Variants in ABCB1 observed in about 807,000 individuals in gnomAD.
The protein encoded by ABCB1 is ATP-dependent translocase ABCB1.
ABCB1 carries 69 observed loss-of-function variants against 142.0 expected under a neutral mutation model. The ratio of observed to expected loss-of-function variants is 0.49; its 90% confidence interval spans 0.40 to 0.59. The LOEUF (loss-of-function observed/expected upper bound fraction) is 0.59. Among genes scored for constraint, ABCB1 ranks in the 20% least tolerant of loss-of-function variants. ABCB1 has a pLI of 0.00. For missense variants in ABCB1, 1,326 were observed against 1,554.7 expected, an observed-to-expected ratio of 0.85 and a Z score of 2.47; for synonymous variants, 532 against 539.2, an observed-to-expected ratio of 0.99 and a Z score of 0.18.
intron 1 of ABCB1, among the ~76,000 whole-genome samples, chr7:87,672,417 G>A (rs73705297): frequency 6.6e-6 from 1 of 152,296 alleles, no homozygotes; most frequent in African/African-American, 2.4e-5. Context: ...CTAGGGAGGT[G>A]CAGTGCTGCT....
chr7:87,650,923 G>A (rs1823509614), intron 1 of ABCB1: 1 of 1,599,582 alleles, frequency 6.3e-7, no homozygotes, highest in Admixed American at 1.7e-5. Flanking sequence ...CAGATTTTAA[G>A]CCACCGGCTA....
chr7:87,545,985 A>G lies in ABCB1; in HGVS notation c.1765T>C (p.Leu589=). 2 of 1,614,156 alleles carry G rather than the reference A, an allele frequency of 1.2e-6. No individual in the cohort carries two copies. Among genetic ancestry groups the G allele is most frequent in the East Asian group, 2.2e-5 (1 of 44,866 alleles). The stretch of plus-strand genomic sequence containing the variant: ...ACGTCAGCATTACGAACTGTAGACA[A>G]ACGATGAGCTATCACAATGGTGGTC... ...GRTTIVIAHR[L]STVRNADVIA... The change falls in exon 15 of 28, where the codon TTG becomes CTG. Residue 589 remains leucine (L), a synonymous_variant. Coordinates refer to ENST00000622132, the MANE Select transcript of ABCB1 (RefSeq NM_001348946.2).
At chr7:87,609,721 C>T (rs1339650025) in intron 1 of ABCB1, among the ~76,000 whole-genome samples, 2 of 152,064 alleles carry the variant, frequency 1.3e-5, no homozygotes, top group African/African-American at 4.8e-5. Flanking sequence ...AATGATCATT[C>T]TTCAGGATCT....
rs1360458780 is a variant in ABCB1 at position 87,550,024 on chromosome 7, T to C, written c.1381A>G (p.Ile461Val). ...ATTTCCCGTAGAAACCTTACATTTA[T>C]GGTCCTAATATCCTGTCCATCAACA... Reference protein sequence around the residue: ...VSVDGQDIRTINVRFLREIIG... With the variant: ...VSVDGQDIRTVNVRFLREIIG... Residue 461 changes from isoleucine to valine, a missense_variant, in exon 13 of 28, where the codon ATA becomes GTA. Ile to Val is a conservative substitution (Grantham distance 29). Coordinates refer to ENST00000622132, the MANE Select transcript of ABCB1 (RefSeq NM_001348946.2). The C allele has an allele frequency of 1.2e-6, 2 of 1,614,256 alleles. No homozygotes were observed. The highest frequency in any genetic ancestry group is 1.7e-6 in the Non-Finnish European group (2 of 1,180,038).
At chr7:87,572,144 A>G (rs368493845) in intron 4 of ABCB1, among the ~76,000 whole-genome samples, 7 of 151,806 alleles carry the variant, frequency 4.6e-5, no homozygotes, top group Admixed American at 3.9e-4. Context: ...CTCCAAATCA[A>G]TCTTGGGAAA....
intron 1 of ABCB1, among the ~76,000 whole-genome samples, chr7:87,618,991 C>T (rs575800554): frequency 3.9e-5 from 6 of 152,264 alleles, no homozygotes; most frequent in Admixed American, 2.6e-4. Flanking sequence ...CAGTTGAGGA[C>T]ATAGCTTAAC....
At chr7:87,704,679 A>G (rs1163761581) in intron 1 of ABCB1, among the ~76,000 whole-genome samples, 2 of 152,238 alleles carry the variant, frequency 1.3e-5, no homozygotes, top group African/African-American at 4.8e-5. Context: ...CATGTTCCAA[A>G]TCCTGCATTT....
intron 1 of ABCB1, among the ~76,000 whole-genome samples, chr7:87,691,315 A>G (rs1211985007): frequency 6.6e-6 from 1 of 152,168 alleles, no homozygotes; most frequent in Non-Finnish European, 1.5e-5. Flanking sequence ...GCATTCTTCT[A>G]TTGCATATCC....
rs561279763 is a variant in ABCB1 at position 87,704,637 on chromosome 7, T to C, written c.-331+8524A>G. Among the ~76,000 whole-genome samples the C allele has an allele frequency of 5.3e-5, 8 of 152,346 alleles. 2 individuals carry two copies. In the South Asian group the frequency reaches 1.7e-3, roughly 32 times the overall value. Reference sequence around the variant, plus strand: ...AGTTAATATTTATTCTGTGAAGTACTGGTATTGAGAATCAAAACACCACAG... The same window carrying C: ...AGTTAATATTTATTCTGTGAAGTACCGGTATTGAGAATCAAAACACCACAG... On this transcript the variant is annotated intron_variant, in intron 1 of 28. Coordinates refer to the ABCB1 transcript ENST00000265724.
chr7:87,527,832 T>C (rs1460520700), intron 21 of ABCB1, among the ~76,000 whole-genome samples: 1 of 152,176 alleles, frequency 6.6e-6, no homozygotes, highest in African/African-American at 2.4e-5. Flanking sequence ...CAGTACATAC[T>C]ATGGTTTTAT....
chr7:87,555,771 A>G (rs776421649), intron 8 of ABCB1, among the ~76,000 whole-genome samples: 1 of 152,152 alleles, frequency 6.6e-6, no homozygotes, highest in Non-Finnish European at 1.5e-5. Flanking sequence ...CTCTCACTTT[A>G]TGAGTTGATC....
chr7:87,541,024 T>C, intron 18 of ABCB1, among the ~76,000 whole-genome samples: 1 of 152,154 alleles, frequency 6.6e-6, no homozygotes, highest in Non-Finnish European at 1.5e-5. Flanking sequence ...AGTATTTACA[T>C]TTACTGGCAA....
rs1260931033 is a variant in ABCB1, at chr7:87,523,107, CT to C, written c.2686-2232del. ...AAATTAATAAGTCAAAGAAAACTAA[CT>C]TTTTTTTTTAGAAACGGGGTCTTGC... On this transcript the variant is annotated intron_variant, in intron 21 of 27. Coordinates refer to ENST00000622132, the MANE Select transcript of ABCB1 (RefSeq NM_001348946.2). 4.7e-5 allele frequency among the ~76,000 whole-genome samples: 7 copies of C among 149,080 alleles called. No homozygotes were observed. The East Asian group carries it at 9.8e-4, about 21-fold the overall frequency.
At chr7:87,648,184 CA>C (rs138383809) in intron 1 of ABCB1, among the ~76,000 whole-genome samples, 1,399 of 65,442 alleles carry the variant, frequency 0.021, 2 homozygotes, top group Non-Finnish European at 0.032. Context: ...GACTCTGTCT[CA>C]AAAAAAAAAA....
Position 87,656,849 on chromosome 7 carries a change from A to G in ABCB1, c.-330-55771T>C, listed in dbSNP as rs558780063. On this transcript the variant is annotated intron_variant, in intron 1 of 28. Coordinates refer to the ABCB1 transcript ENST00000265724. ...CTCATTCAAAAACATAATGTAATGG[A>G]TCACTATAAATGCATTTTTTCATTT... Among the ~76,000 whole-genome samples the G allele has an allele frequency of 2.0e-5, 3 of 152,290 alleles. No individual in the cohort carries two copies. The East Asian group carries it at 5.8e-4, about 29-fold the overall frequency.
At position 87,504,250 on chromosome 7, in the gene ABCB1, C is replaced by T. The variant is rs200263370; in HGVS notation, c.3836G>A (p.Arg1279His). ...SMVSVQAGTK[R>H]Q ...ATCTCATACAGTCAGAGTTCACTGG[C>T]GCTTTGTTCCAGCCTGGACACTGAC... Residue 1279 changes from arginine to histidine, a missense_variant, in exon 28 of 28, where the codon CGC becomes CAC. Transcript: ENST00000622132. 4.5e-5 allele frequency: 73 copies of T among 1,614,084 alleles called. No individual in the cohort carries two copies. The African/African-American group carries it at 5.3e-4, about 12-fold the overall frequency.
intron 1 of ABCB1, among the ~76,000 whole-genome samples, chr7:87,674,203 C>A (rs956846564): frequency 6.6e-6 from 1 of 152,130 alleles, no homozygotes; most frequent in African/African-American, 2.4e-5. Context: ...CCAGCATCTG[C>A]AGAAGTATAG....
chr7:87,603,041 C>T (rs913312228), upstream of ABCB1: 16 of 152,228 alleles, frequency 1.1e-4, no homozygotes, highest in Admixed American at 1.0e-3. Context: ...ACAATCTGCA[C>T]CTTCTTGTCC....
intron 21 of ABCB1, among the ~76,000 whole-genome samples, chr7:87,529,007 A>G (rs1815917707): frequency 6.6e-6 from 1 of 152,236 alleles, no homozygotes; most frequent in African/African-American, 2.4e-5. Context: ...TTGGTAATCC[A>G]TGATAAAAGA....
Sources: allele counts gnomAD v4.1 joint callset (sites outside exome capture counted in the v4.1 genomes callset), GRCh38; gene constraint gnomAD v4.1.1; transcripts MANE v1.5; gene names NCBI Gene and HGNC (gene_info 2026-07-23, HGNC 2026-07-21).